The following CSMD1 variants were observed in gnomAD, a reference collection of about 807,000 sequenced individuals.
The protein encoded by CSMD1 is CUB and sushi domain-containing protein 1.
Under a neutral mutation model 417.5 loss-of-function variants are expected in CSMD1, and 213 were observed. The observed-to-expected ratio is 0.51, with a 90% CI of 0.46 to 0.57. The LOEUF is 0.57. Ranked by LOEUF, CSMD1 falls within the 20% of genes least tolerant of loss-of-function variation. The probability of loss-of-function intolerance (pLI) is 0.00; values close to 1 mark genes in which losing one functional copy is unlikely to be tolerated. For synonymous variants in CSMD1, 2,862 were observed against 1,736.8 expected (o/e 1.65, Z -16.11); for missense variants, 6,923 against 4,529.7 (o/e 1.53, Z -15.17).
intron 1 of CSMD1, among the ~76,000 whole-genome samples, chr8:4,795,530 G>C (rs1797931763): frequency 6.6e-6 from 1 of 151,650 alleles, no homozygotes; most frequent in Non-Finnish European, 1.5e-5. Context: ...CCAAAGTTCT[G>C]GTATTGCAGG....
At chr8:4,614,875 T>G (rs1801388377) in intron 2 of CSMD1, among the ~76,000 whole-genome samples, 1 of 152,340 alleles carries the variant, frequency 6.6e-6, no homozygotes, top group South Asian at 2.1e-4. Flanking sequence ...TATAAAGTAT[T>G]ATTAATATTT....
intron 3 of CSMD1, among the ~76,000 whole-genome samples, chr8:4,362,609 C>T (rs992648256): frequency 6.0e-4 from 92 of 152,248 alleles, no homozygotes; most frequent in African/African-American, 2.1e-3. Flanking sequence ...AATAAACATT[C>T]TTTTCTCTTT....
intron 26 of CSMD1, among the ~76,000 whole-genome samples, chr8:3,246,165 C>G (rs749720879): frequency 2.0e-5 from 3 of 152,116 alleles, no homozygotes; most frequent in African/African-American, 7.2e-5. Flanking sequence ...ATTCCCATCA[C>G]TCTAGCTCCA....
At chr8:4,689,124 G>C (rs1288676936) in intron 1 of CSMD1, among the ~76,000 whole-genome samples, 2 of 152,152 alleles carry the variant, frequency 1.3e-5, no homozygotes, top group Non-Finnish European at 2.9e-5. Context: ...AGGTAACTTA[G>C]TGATCATATA....
intron 12 of CSMD1, among the ~76,000 whole-genome samples, chr8:3,453,173 T>C (rs1815862759): frequency 6.6e-6 from 1 of 152,196 alleles, no homozygotes; most frequent in African/African-American, 2.4e-5. Flanking sequence ...ATCCCCTTCA[T>C]TTTTTATTGC....
At chr8:4,339,604 A>C (rs1800362533) in intron 3 of CSMD1, among the ~76,000 whole-genome samples, 1 of 152,148 alleles carries the variant, frequency 6.6e-6, no homozygotes, top group Non-Finnish European at 1.5e-5. Flanking sequence ...AACAGGTGGG[A>C]AATCGCTCAA....
chr8:4,643,699 T>C (rs1803344309), intron 1 of CSMD1, among the ~76,000 whole-genome samples: 1 of 152,350 alleles, frequency 6.6e-6, no homozygotes, highest in Admixed American at 6.5e-5. Context: ...AAGCGCTGTT[T>C]GAAACGGTAA....
intron 3 of CSMD1, among the ~76,000 whole-genome samples, chr8:4,075,100 G>T (rs75480087): frequency 6.6e-6 from 1 of 152,092 alleles, no homozygotes; most frequent in South Asian, 2.1e-4. Flanking sequence ...ATTAGACAAA[G>T]AACAAAGTTG....
At chr8:3,083,646 A>G (rs71513025) in intron 49 of CSMD1, among the ~76,000 whole-genome samples, 2 of 16,740 alleles carry the variant, frequency 1.2e-4, no homozygotes, top group Non-Finnish European at 9.8e-5. Flanking sequence ...ATATATATAT[A>G]TATTTTTTTT....
intron 26 of CSMD1, among the ~76,000 whole-genome samples, chr8:3,240,834 G>C (rs570426302): frequency 6.6e-6 from 1 of 152,138 alleles, no homozygotes; most frequent in Non-Finnish European, 1.5e-5. Flanking sequence ...TGTAAGGCTT[G>C]TCTGGTTCTA....
At position 3,998,003 on chromosome 8, in the gene CSMD1, C is replaced by T. The variant is rs976805037; in HGVS notation, c.718G>A (p.Ala240Thr). The T allele has an allele frequency of 2.5e-6, 4 of 1,609,004 alleles. No individual in the cohort carries two copies. The African/African-American group carries it at 4.0e-5, about 16-fold the overall frequency. ...AGCGCAATGGTGTCCCCGGGCTCAG[C>T]CAGAATGGTCCAGGTGCAGTCCGCG... is the stretch of plus-strand genomic sequence containing the variant. ...NNADCTWTIL[A>T]EPGDTIALVF... is the part of the protein sequence containing the mutation. The change falls in exon 5 of 70, where the codon GCT becomes ACT. Residue 240 changes from alanine to threonine, a missense_variant. By Grantham distance (58) the Ala-to-Thr change is moderately conservative. Transcript: ENST00000635120.
At chr8:4,661,486 G>C (rs1264527856) in intron 1 of CSMD1, among the ~76,000 whole-genome samples, 1 of 152,176 alleles carries the variant, frequency 6.6e-6, no homozygotes, top group Non-Finnish European at 1.5e-5. Flanking sequence ...GGGTTAGGCG[G>C]TGGGGTCAGG....
At chr8:3,113,199 C>T (rs543683863) in intron 42 of CSMD1, 1 of 152,382 alleles carries the variant, frequency 6.6e-6, no homozygotes, top group African/African-American at 2.4e-5. Flanking sequence ...CAGGTACCTC[C>T]CAGCTCCTCA....
intron 7 of CSMD1, among the ~76,000 whole-genome samples, chr8:3,666,195 T>A (rs1202893318): frequency 1.3e-5 from 2 of 152,180 alleles, no homozygotes; most frequent in African/African-American, 2.4e-5. Context: ...CACGCTTGGC[T>A]TGATGCTTTG....
intron 1 of CSMD1, among the ~76,000 whole-genome samples, chr8:4,781,801 T>C (rs966804232): frequency 3.3e-5 from 5 of 152,186 alleles, no homozygotes; most frequent in African/African-American, 7.2e-5. Flanking sequence ...ATGCAGCTTC[T>C]CACCTAGGCC....
At chr8:3,888,815 A>G (rs1174794906) in intron 5 of CSMD1, among the ~76,000 whole-genome samples, 1 of 152,184 alleles carries the variant, frequency 6.6e-6, no homozygotes, top group Non-Finnish European at 1.5e-5. Flanking sequence ...ATGAGCTAAG[A>G]AAGGTACTAT....
chr8:4,361,871 C>T (rs986731421), intron 3 of CSMD1, among the ~76,000 whole-genome samples: 3 of 152,236 alleles, frequency 2.0e-5, no homozygotes, highest in African/African-American at 2.4e-5. Context: ...AGAAGAATTG[C>T]TTGAACCCGG....
intron 10 of CSMD1, among the ~76,000 whole-genome samples, chr8:3,566,589 GA>G (rs71203448): frequency 2.0e-5 from 3 of 150,130 alleles, no homozygotes; most frequent in South Asian, 2.1e-4. Context: ...AGATTTTCAA[GA>G]AAAAAAAACC....
chr8:3,929,849 A>G (rs924502374), intron 5 of CSMD1, among the ~76,000 whole-genome samples: 4 of 149,500 alleles, frequency 2.7e-5, no homozygotes, highest in African/African-American at 9.9e-5. Flanking sequence ...TTTAGTAGAG[A>G]CGCGGTTTCA....
Sources: gnomAD v4.1 joint callset for allele counts (sites outside exome capture counted in the v4.1 genomes callset) on GRCh38, gnomAD v4.1.1 for gene constraint, MANE v1.5 for transcripts, NCBI Gene and HGNC (gene_info 2026-07-23, HGNC 2026-07-21) for gene names.